RAB25: variants seen among roughly 807,000 people sequenced by gnomAD.
RAB25 encodes the protein RAB25, member RAS oncogene family, also known as ras-related protein Rab-25.
RAB25 carries 23 observed loss-of-function variants against 25.2 expected under a neutral mutation model. The ratio of observed to expected loss-of-function variants is 0.91; its 90% CI spans 0.66 to 1.29. The LOEUF is 1.29. Ranked by LOEUF, RAB25 falls within the 50% of genes most tolerant of loss-of-function variation. The probability of loss-of-function intolerance (pLI) is 0.00; values close to 1 mark genes in which losing one functional copy is unlikely to be tolerated. For missense variants in RAB25, 244 were observed against 277.3 expected, an observed-to-expected ratio of 0.88 and a Z score of 0.85; for synonymous variants, 102 against 111.5, an observed-to-expected ratio of 0.91 and a Z score of 0.54.
chr1:156,064,784 TGA>T (rs1292881663), intron 1 of RAB25, among the ~76,000 whole-genome samples: 1 of 152,174 alleles, frequency 6.6e-6, no homozygotes, highest in East Asian at 1.9e-4. Context: ...TGAGAAAAGG[TGA>T]GTCACTTGTT....
chr1:156,067,243 A>AG (rs1647770689), intron 2 of RAB25, among the ~76,000 whole-genome samples: 1 of 151,654 alleles, frequency 6.6e-6, no homozygotes. Context: ...AAAAAAAAAA[A>AG]AAAAGAAAAA....
At position 156,066,078 on chromosome 1, in the gene RAB25, C is replaced by G; in HGVS notation, c.211C>G (p.Leu71Val). Residue 71 changes from leucine (L) to valine (V), a missense_variant, in exon 2 of 5, where the codon CTG becomes GTG. By Grantham distance (32) the Leu-to-Val change is conservative. Coordinates refer to ENST00000361084, the MANE Select transcript of RAB25 (RefSeq NM_020387.4). Reference sequence around the variant, plus strand: ...GGCTCAGATCTGGGACACAGCTGGCCTGGAGCGGTACCGAGCCATCACCTC... The same window carrying G: ...GGCTCAGATCTGGGACACAGCTGGCGTGGAGCGGTACCGAGCCATCACCTC... ...VKAQIWDTAG[L>V]ERYRAITSAY... 1.2e-6 allele frequency: 2 copies of G among 1,609,830 alleles called. No homozygotes were observed. The highest frequency in any genetic ancestry group is 1.7e-6 in the Non-Finnish European group (2 of 1,177,126).
chr1:156,069,468 CG>C (rs1260988667), intron 3 of RAB25, among the ~76,000 whole-genome samples: 2 of 152,184 alleles, frequency 1.3e-5, no homozygotes, highest in Admixed American at 1.3e-4. Flanking sequence ...CGTGAGCCAC[CG>C]CACCCAGCCC....
In RAB25 at chr1:156,061,185, T is replaced by G. The variant is rs1647567674; in HGVS notation, c.-216T>G. On this transcript the variant is annotated 5_prime_UTR_variant, in exon 1 of 5. Coordinates refer to ENST00000361084, the MANE Select transcript of RAB25 (RefSeq NM_020387.4). ...CTCAGCTTCCGTCCTCTCTGCTTCCTTACAGCACCCCCACCTGCCAGAGCT... is the reference window on the plus strand; with the variant it reads ...CTCAGCTTCCGTCCTCTCTGCTTCCGTACAGCACCCCCACCTGCCAGAGCT... The G allele has an allele frequency of 1.9e-6, 1 of 520,800 alleles. No individual in the cohort carries two copies. The highest frequency in any genetic ancestry group is 3.2e-5 in the Admixed American group (1 of 31,522). The allele number at this position is 520,800 out of a possible 1,614,324, so 32.3% of individuals were successfully genotyped here.
intron 4 of RAB25, 76 bp from the exon 5 acceptor site, chr1:156,070,084 A>G (rs965463223): frequency 4.7e-5 from 76 of 1,607,944 alleles, no homozygotes; most frequent in African/African-American, 6.7e-5. Context: ...GGCATGCAGT[A>G]TGTATGGGGG....
At chr1:156,066,756 TG>T (rs1647756843) in intron 2 of RAB25, among the ~76,000 whole-genome samples, 3 of 148,116 alleles carry the variant, frequency 2.0e-5, no homozygotes, top group African/African-American at 5.0e-5. Context: ...CTGGGCAACA[TG>T]GCAAAATCCT....
At position 156,068,460 on chromosome 1, in the gene RAB25, G is replaced by C. The variant is rs752099800; in HGVS notation, c.430G>C (p.Ala144Pro). The stretch of plus-strand genomic sequence containing the variant: ...GCCCACTGAGGAGGCCCGAATGTTC[G>C]CTGGTGAGAGCCTGCCACTACCCAG... ...EVPTEEARMF[A>P]ENNGLLFLET... Residue 144 changes from alanine to proline, a missense_variant, in exon 3 of 5, where the codon GCT becomes CCT. By Grantham distance (27) the Ala-to-Pro change is conservative. Coordinates refer to ENST00000361084, the MANE Select transcript of RAB25 (RefSeq NM_020387.4). The C allele has an allele frequency of 6.2e-7, 1 of 1,610,840 alleles. No individual in the cohort carries two copies. The highest frequency in any genetic ancestry group is 8.5e-7 in the Non-Finnish European group (1 of 1,178,624).
At chr1:156,062,386 T>C (rs1647612739) in intron 1 of RAB25, among the ~76,000 whole-genome samples, 1 of 152,124 alleles carries the variant, frequency 6.6e-6, no homozygotes, top group Non-Finnish European at 1.5e-5. Flanking sequence ...CCCCTGTGTT[T>C]GGTGCCTTTG....
chr1:156,068,811 C>T (rs1328688513), intron 3 of RAB25, among the ~76,000 whole-genome samples: 1 of 151,360 alleles, frequency 6.6e-6, no homozygotes, highest in African/African-American at 2.4e-5. Flanking sequence ...GCCTCAGCCT[C>T]CTGAGTAGCT....
intron 1 of RAB25, among the ~76,000 whole-genome samples, chr1:156,065,288 C>G (rs572649737): frequency 6.6e-6 from 1 of 152,262 alleles, no homozygotes; most frequent in South Asian, 2.1e-4. Context: ...ACACCCAGGC[C>G]CATGCTCTTA....
In RAB25 at chr1:156,070,169, C is replaced by G; in HGVS notation, c.524C>G (p.Ala175Gly). The change falls in exon 5 of 5, where the codon GCG (alanine) becomes GGG (glycine). Residue 175 changes from alanine to glycine, a missense_variant. Ala to Gly is a moderately conservative substitution (Grantham distance 60). Coordinates refer to ENST00000361084, the MANE Select transcript of RAB25 (RefSeq NM_020387.4). ...CCCTCTGCCCTCCCAGAAATCTTTG[C>G]GAAGGTGTCCAAGCAGAGACAGAAC... is the stretch of plus-strand genomic sequence containing the variant. ...AFETVLKEIFAKVSKQRQNSI... is the reference protein window; with the variant it reads ...AFETVLKEIFGKVSKQRQNSI... The G allele has an allele frequency of 6.2e-7, 1 of 1,614,004 alleles. No individual in the cohort carries two copies. Among genetic ancestry groups the G allele is most frequent in the Non-Finnish European group, 8.5e-7 (1 of 1,179,986 alleles).
chr1:156,066,430 G>C (rs2102770503), intron 2 of RAB25: 1 of 224,004 alleles, frequency 4.5e-6, no homozygotes, highest in Non-Finnish European at 8.7e-6. Context: ...GCTATAATTA[G>C]TTAATTTCTG....
intron 1 of RAB25, among the ~76,000 whole-genome samples, chr1:156,064,695 G>A (rs759972262): frequency 1.3e-5 from 2 of 152,166 alleles, no homozygotes; most frequent in Non-Finnish European, 1.5e-5. Context: ...GATTACAGGC[G>A]TGAACCTCCA....
chr1:156,068,401 G>A lies in RAB25; in HGVS notation c.371G>A (p.Gly124Asp), dbSNP rs540958359. The change falls in exon 3 of 5, where the codon GGT (glycine) becomes GAT (aspartate). Residue 124 changes from glycine (G) to aspartate (D), a missense_variant. By Grantham distance (94) the Gly-to-Asp change is moderately conservative (BLOSUM62 -1). Transcript: ENST00000361084. ...GCCACGATCGTCGTCATGCTCGTGG[G>A]TAACAAAAGTGACCTCAGCCAGGCC... is the stretch of plus-strand genomic sequence containing the variant. ...AEATIVVMLV[G>D]NKSDLSQARE... is the part of the protein sequence containing the mutation. 3.1e-6 allele frequency: 5 copies of A among 1,614,098 alleles called. No homozygotes were observed. In the East Asian group the frequency reaches 8.9e-5, roughly 29 times the overall value.
At position 156,061,244 on chromosome 1, in the gene RAB25, G is replaced by T. The variant is rs141100207; in HGVS notation, c.-157G>T. On this transcript the variant is annotated 5_prime_UTR_variant, in exon 1 of 5. Coordinates refer to ENST00000361084, the MANE Select transcript of RAB25 (RefSeq NM_020387.4). The stretch of plus-strand genomic sequence containing the variant: ...CTAGGCCCTGCCTAACCTTGAGTTG[G>T]CCCCCAATCCCTCTGGCTGCAGAAG... The T allele has an allele frequency of 6.5e-4, 474 of 729,548 alleles. 1 individual carries two copies. In the African/African-American group the frequency reaches 7.1e-3, roughly 11 times the overall value. The allele number at this position is 729,548 out of a possible 1,614,324, so 45.2% of individuals were successfully genotyped here.
intron 2 of RAB25, 29 bp downstream of exon 2, chr1:156,066,135 T>C: frequency 7.1e-7 from 1 of 1,415,106 alleles, no homozygotes; most frequent in African/African-American, 1.6e-5. Context: ...GGCTGCTGGG[T>C]GGTGGGAGTT....
Position 156,064,135 on chromosome 1 carries a change from TACAC to T in RAB25, c.44-1765_44-1762del, listed in dbSNP as rs138319500. ...AGAGGCAGGAACACACACACACATA[TACAC>T]ACACACACACGCATACACACACATC... On this transcript the variant is annotated intron_variant, in intron 1 of 4. Transcript: ENST00000361084. Among the ~76,000 whole-genome samples the T allele has an allele frequency of 5.7e-3, 863 of 151,564 alleles. 4 individuals carry two copies. Among genetic ancestry groups the T allele is most frequent in the African/African-American group, 0.02 (821 of 41,364 alleles).
intron 2 of RAB25, 30 bp from the exon 3 acceptor site, chr1:156,068,240 T>C (rs765794610): frequency 6.4e-7 from 1 of 1,572,520 alleles, no homozygotes; most frequent in South Asian, 1.1e-5. Context: ...TCTGATCGTA[T>C]CTCTGTCCAT....
At chr1:156,064,507 A>G (rs1434419350) in intron 1 of RAB25, among the ~76,000 whole-genome samples, 1 of 149,358 alleles carries the variant, frequency 6.7e-6, no homozygotes, top group African/African-American at 2.5e-5. Context: ...CAGCACCCCC[A>G]GGGCTCAAGC....
Sources: allele counts gnomAD v4.1 joint callset (sites outside exome capture counted in the v4.1 genomes callset), GRCh38; gene constraint gnomAD v4.1.1; transcripts MANE v1.5; gene names NCBI Gene and HGNC (gene_info 2026-07-23, HGNC 2026-07-21).